SPTBN4: variants seen among roughly 807,000 people sequenced by gnomAD.
SPTBN4 encodes the protein spectrin beta, non-erythrocytic 4.
SPTBN4 carries 96 observed loss-of-function variants against 277.8 expected under a neutral mutation model. The ratio of observed to expected loss-of-function variants is 0.35; its 90% CI spans 0.29 to 0.41. The LOEUF (loss-of-function observed/expected upper bound fraction) is 0.41, where lower values mean the gene tolerates loss of function less well. Among genes scored for constraint, SPTBN4 ranks in the 10% least tolerant of loss-of-function variants. SPTBN4 has a pLI of 1.00. For missense variants in SPTBN4, 3,006 were observed against 3,595.7 expected (o/e 0.84, Z 4.19); for synonymous variants, 1,481 against 1,580.3 (o/e 0.94, Z 1.49).
chr19:40,548,442 G>C (rs1474298614), intron 20 of SPTBN4, among the ~76,000 whole-genome samples: 1 of 152,090 alleles, frequency 6.6e-6, no homozygotes, highest in African/African-American at 2.4e-5. Flanking sequence ...AGTGAGCTGA[G>C]GTTGCCCACT....
chr19:40,484,900 C>T (rs1374296525), intron 2 of SPTBN4, among the ~76,000 whole-genome samples: 1 of 151,954 alleles, frequency 6.6e-6, no homozygotes, highest in Non-Finnish European at 1.5e-5. Flanking sequence ...CCACTGCACT[C>T]CAGCCTGGGC....
chr19:40,507,582 T>G (rs767675676), intron 13 of SPTBN4, among the ~76,000 whole-genome samples: 1 of 151,610 alleles, frequency 6.6e-6, no homozygotes, highest in African/African-American at 2.4e-5. Flanking sequence ...CGGTGGCTCA[T>G]GCTTGTAATC....
chr19:40,513,692 A>T, intron 14 of SPTBN4, 138 bp downstream of exon 14: 1 of 932,042 alleles, frequency 1.1e-6, no homozygotes. Flanking sequence ...CAGCTTTGTG[A>T]CAGTTCTGCA....
At chr19:40,548,787 G>C (rs2145922468) in intron 20 of SPTBN4, among the ~76,000 whole-genome samples, 1 of 151,858 alleles carries the variant, frequency 6.6e-6, no homozygotes, top group Non-Finnish European at 1.5e-5. Context: ...TTGACTCTTT[G>C]GACAAATTCT....
chr19:40,469,914 G>C (rs2079865918), intron 1 of SPTBN4, among the ~76,000 whole-genome samples: 1 of 152,024 alleles, frequency 6.6e-6, no homozygotes, highest in Non-Finnish European at 1.5e-5. Context: ...AAAGTGCTGG[G>C]ATTACAGGTG....
At chr19:40,531,775 G>A (rs796865730) in intron 18 of SPTBN4, among the ~76,000 whole-genome samples, 22 of 152,074 alleles carry the variant, frequency 1.4e-4, no homozygotes, top group African/African-American at 5.1e-4. Context: ...TTGTAGGGGT[G>A]GGGGTGCTGG....
chr19:40,480,439 G>A (rs1324575608), intron 2 of SPTBN4, among the ~76,000 whole-genome samples: 1 of 151,830 alleles, frequency 6.6e-6, no homozygotes, highest in African/African-American at 2.4e-5. Flanking sequence ...CAAACAGAAT[G>A]TGACATATGA....
intron 1 of SPTBN4, among the ~76,000 whole-genome samples, chr19:40,471,984 C>T (rs2079889926): frequency 6.7e-6 from 1 of 149,530 alleles, no homozygotes; most frequent in Non-Finnish European, 1.5e-5. Context: ...GATCTTGGCT[C>T]ACCACAACCT....
chr19:40,529,019 G>A (rs774598014), intron 17 of SPTBN4, 22 bp from the exon 18 acceptor site: 1 of 1,609,686 alleles, frequency 6.2e-7, no homozygotes, highest in East Asian at 2.2e-5. Flanking sequence ...CCTTTCCCCA[G>A]CCCTTATCTC....
rs541138315 is a variant in SPTBN4, at chr19:40,489,028, T to A, written c.322-1047T>A. The stretch of plus-strand genomic sequence containing the variant: ...TGGTGAGACCCGTTTCTACAAAAAA[T>A]TTTTAAAAAATCAAAAAGCATTAGC... On this transcript the variant is annotated intron_variant, in intron 3 of 35. Coordinates refer to ENST00000598249, the MANE Select transcript of SPTBN4 (RefSeq NM_020971.3). Among the ~76,000 whole-genome samples the A allele has an allele frequency of 1.3e-4, 19 of 151,418 alleles. No individual in the cohort carries two copies. The South Asian group carries it at 3.1e-3, about 25-fold the overall frequency.
intron 3 of SPTBN4, 94 bp downstream of exon 3, chr19:40,487,942 C>A (rs2145824241): frequency 2.9e-6 from 4 of 1,388,706 alleles, no homozygotes; most frequent in Middle Eastern, 2.4e-4. Flanking sequence ...CAAGCAGGGG[C>A]CTGGCTCATG....
chr19:40,476,630 C>T (rs1414159053), intron 2 of SPTBN4, among the ~76,000 whole-genome samples: 1 of 152,092 alleles, frequency 6.6e-6, no homozygotes, highest in East Asian at 1.9e-4. Flanking sequence ...CTCTGTCGCC[C>T]AGGCTGGAGG....
In SPTBN4 at chr19:40,515,406, G is replaced by T. The variant is rs963745327; in HGVS notation, c.2861G>T (p.Ser954Ile). 16 of 1,589,774 alleles carry T rather than the reference G, an allele frequency of 1.0e-5. No individual in the cohort carries two copies. Among genetic ancestry groups the T allele is most frequent in the Non-Finnish European group, 1.4e-5 (16 of 1,167,940 alleles). ...VQELVEGGHP[S>I]SDEVRSCQDH... ...GAGCTGGTGGAAGGAGGCCACCCCA[G>T]TTCAGATGAGGTGCGTTCCTGCCAG... Residue 954 changes from serine (S) to isoleucine (I), a missense_variant, in exon 15 of 36, where the codon AGT becomes ATT. Physicochemically the swap from Ser to Ile is moderately radical, Grantham distance 142. This residue lies in a region of SPTBN4 where 1,759 missense variants were observed against 2,061.5 expected (regional missense o/e 0.85). Transcript: ENST00000598249. The surrounding 1 kb of genome is among the most constrained non-coding windows in gnomAD (Gnocchi z 4.1).
In SPTBN4 at chr19:40,493,058, A is replaced by T; in HGVS notation, c.587+4A>T. The T allele has an allele frequency of 6.2e-7, 1 of 1,613,972 alleles. No homozygotes were observed. Among genetic ancestry groups the T allele is most frequent in the Non-Finnish European group, 8.5e-7 (1 of 1,179,900 alleles). ...GGTGTCAGATGAAGACAGCTGGGTA[A>T]GCACCCCCACCACCTTCCTTAGGAG... is the stretch of plus-strand genomic sequence containing the variant. On this transcript the variant is annotated splice_donor_region_variant and intron_variant, in intron 5 of 35. Coordinates refer to ENST00000598249, the MANE Select transcript of SPTBN4 (RefSeq NM_020971.3).
intron 17 of SPTBN4, among the ~76,000 whole-genome samples, chr19:40,526,195 TGG>T (rs1489996701): frequency 3.1e-5 from 4 of 128,546 alleles, no homozygotes; most frequent in South Asian, 2.4e-4. Context: ...TTTTTTGAGA[TGG>T]AGTCTCACTC....
intron 17 of SPTBN4, among the ~76,000 whole-genome samples, chr19:40,526,305 G>A (rs545620010): frequency 6.6e-6 from 1 of 150,638 alleles, no homozygotes; most frequent in South Asian, 2.1e-4. Flanking sequence ...CCTGAGTACT[G>A]GGATCACAGG....
At chr19:40,507,333 A>AT (rs1241641202) in intron 13 of SPTBN4, among the ~76,000 whole-genome samples, 3 of 151,732 alleles carry the variant, frequency 2.0e-5, no homozygotes, top group Non-Finnish European at 2.9e-5. Context: ...ATAAAATAAA[A>AT]AAAAAAAAAG....
intron 3 of SPTBN4, among the ~76,000 whole-genome samples, chr19:40,489,621 C>T (rs1035891907): frequency 3.3e-5 from 5 of 152,200 alleles, no homozygotes; most frequent in African/African-American, 1.2e-4. Context: ...CTCCTCGCCT[C>T]AAGTGAACCA....
intron 19 of SPTBN4, 58 bp downstream of exon 19, chr19:40,532,829 C>T: frequency 6.5e-7 from 1 of 1,536,186 alleles, no homozygotes; most frequent in Admixed American, 2.0e-5. Context: ...CCAGGGAGCC[C>T]ACGTCTCACC....
Sources: gnomAD v4.1 joint callset for allele counts (sites outside exome capture counted in the v4.1 genomes callset) on GRCh38, gnomAD v4.1.1 for gene constraint, gnomAD v4.1.1 regional missense constraint, Gnocchi (gnomAD v3.1) non-coding constraint, MANE v1.5 for transcripts, NCBI Gene and HGNC (gene_info 2026-07-23, HGNC 2026-07-21) for gene names.